Variants in SAMD4A observed in about 807,000 individuals in gnomAD.
SAMD4A encodes sterile alpha motif domain containing 4A.
A neutral mutation model predicts 81.3 loss-of-function variants in SAMD4A; 33 were observed. That is an observed-to-expected ratio of 0.41 (90% CI 0.31 to 0.54). SAMD4A has a LOEUF of 0.54. Ranked by LOEUF, SAMD4A falls within the 20% of genes least tolerant of loss-of-function variation. The pLI, the probability that SAMD4A is intolerant of heterozygous loss-of-function variation, is 0.37. For missense variants in SAMD4A, 854 were observed against 951.1 expected (o/e 0.90, Z 1.34); for synonymous variants, 389 against 382.1 (o/e 1.02, Z -0.21).
chr14:54,677,292 A>G (rs1005601427), intron 2 of SAMD4A, among the ~76,000 whole-genome samples: 2 of 152,190 alleles, frequency 1.3e-5, no homozygotes, highest in African/African-American at 4.8e-5. Flanking sequence ...AATTGGGTGG[A>G]TCTATGTTAT....
intron 2 of SAMD4A, among the ~76,000 whole-genome samples, chr14:54,612,955 A>G (rs1336412771): frequency 6.6e-6 from 1 of 152,082 alleles, no homozygotes; most frequent in East Asian, 1.9e-4. Flanking sequence ...TGTCTCTACT[A>G]AAAATACAAA....
chr14:54,594,339 C>T (rs2043223883), intron 2 of SAMD4A, among the ~76,000 whole-genome samples: 1 of 151,874 alleles, frequency 6.6e-6, no homozygotes, highest in African/African-American at 2.4e-5. Context: ...AGGAGGATTG[C>T]TTGAGCCCAG....
At chr14:54,784,123 G>C in intron 11 of SAMD4A, 1 of 536,810 alleles carries the variant, frequency 1.9e-6, no homozygotes, top group East Asian at 3.2e-5. Flanking sequence ...GAACAGCGGT[G>C]CAAAGGCCGT....
intron 6 of SAMD4A, among the ~76,000 whole-genome samples, chr14:54,758,315 C>T (rs1393859651): frequency 6.6e-6 from 1 of 152,194 alleles, no homozygotes; most frequent in Non-Finnish European, 1.5e-5. Context: ...TGGTGTTCTT[C>T]GCTGCCCACA....
chr14:54,739,257 A>G (rs1217531736), intron 4 of SAMD4A, among the ~76,000 whole-genome samples: 1 of 152,008 alleles, frequency 6.6e-6, no homozygotes, highest in Non-Finnish European at 1.5e-5. Context: ...GTTAAGGAAT[A>G]TACCATATCT....
In SAMD4A at chr14:54,793,256, T is replaced by G. The variant is rs2039289279; in HGVS notation, c.*4312T>G. 6.6e-6 allele frequency: 1 copy of G among 152,224 alleles called. No individual in the cohort carries two copies. Among genetic ancestry groups the G allele is most frequent in the African/African-American group, 2.4e-5 (1 of 41,452 alleles). The allele number at this position is 152,224 out of a possible 1,614,324, so 9.4% of individuals were successfully genotyped here. A position where few individuals can be genotyped will look rare whatever the true frequency, so the allele number is the denominator to read the frequency against. ...TGTAACTAAGAATCATGGCTATATT[T>G]CATATCAACGTTATATTGAAAGTGA... is the stretch of plus-strand genomic sequence containing the variant. On this transcript the variant is annotated 3_prime_UTR_variant, in exon 13 of 13. Coordinates refer to ENST00000554335, the MANE Select transcript of SAMD4A (RefSeq NM_015589.6).
rs555787439 is a variant in SAMD4A at position 54,722,940 on chromosome 14, A to C, written c.716-14084A>C. On this transcript the variant is annotated intron_variant, in intron 3 of 12. Coordinates refer to ENST00000554335, the MANE Select transcript of SAMD4A (RefSeq NM_015589.6). The stretch of plus-strand genomic sequence containing the variant: ...CTTCTACTTTCAATAAAATGTCGGC[A>C]TTGCTCTCTGCCAATTACCTTGACA... Among the ~76,000 whole-genome samples the C allele has an allele frequency of 2.1e-4, 32 of 152,266 alleles. No individual in the cohort carries two copies. The East Asian group carries it at 5.8e-3, about 28-fold the overall frequency.
At chr14:54,774,861 C>A (rs2038799739) in intron 9 of SAMD4A, 73 bp from the exon 10 acceptor site, 2 of 1,459,482 alleles carry the variant, frequency 1.4e-6, no homozygotes, top group Non-Finnish European at 1.9e-6. Context: ...GGCGACATCC[C>A]TTGGGAAGCC....
intron 2 of SAMD4A, chr14:54,694,078 C>T (rs1165619276): frequency 6.6e-6 from 1 of 152,292 alleles, no homozygotes; most frequent in African/African-American, 2.4e-5. Flanking sequence ...TGGACTGAAA[C>T]AGGAGAGGGT....
chr14:54,661,050 G>T (rs1051236309), intron 2 of SAMD4A, among the ~76,000 whole-genome samples: 1 of 152,138 alleles, frequency 6.6e-6, no homozygotes, highest in African/African-American at 2.4e-5. Flanking sequence ...AAGGCACTGC[G>T]GACTTTAAGT....
intron 2 of SAMD4A, chr14:54,688,397 G>T: frequency 2.0e-6 from 2 of 982,542 alleles, no homozygotes. Context: ...GATTGTGTGG[G>T]GGTGGTTTGT....
chr14:54,566,905 G>C (rs2032955311), upstream of SAMD4A, among the ~76,000 whole-genome samples: 1 of 152,160 alleles, frequency 6.6e-6, no homozygotes, highest in South Asian at 2.1e-4. Flanking sequence ...TGGGTGGAGA[G>C]AGTTTATTTT....
chr14:54,587,579 G>A (rs2033657820), intron 2 of SAMD4A, among the ~76,000 whole-genome samples: 1 of 151,650 alleles, frequency 6.6e-6, no homozygotes. Flanking sequence ...CAATTTTGCT[G>A]AGGGTTTTAA....
At chr14:54,737,878 A>G (rs1048041815) in intron 4 of SAMD4A, among the ~76,000 whole-genome samples, 11 of 152,170 alleles carry the variant, frequency 7.2e-5, no homozygotes, top group Non-Finnish European at 1.6e-4. Flanking sequence ...TAATCCTGAT[A>G]ACAGATTTGC....
intron 2 of SAMD4A, among the ~76,000 whole-genome samples, chr14:54,659,856 A>G (rs1260551816): frequency 1.3e-5 from 2 of 152,142 alleles, no homozygotes; most frequent in Non-Finnish European, 2.9e-5. Context: ...TTGGTGGCCT[A>G]TGGCCTGATG....
chr14:54,628,149 C>G (rs1419373718), intron 2 of SAMD4A, among the ~76,000 whole-genome samples: 1 of 152,080 alleles, frequency 6.6e-6, no homozygotes, highest in Non-Finnish European at 1.5e-5. Flanking sequence ...TCCCCCACAA[C>G]CCTGTAAGAG....
At chr14:54,638,306 T>C (rs10498470) in intron 2 of SAMD4A, among the ~76,000 whole-genome samples, 16,993 of 152,222 alleles carry the variant, frequency 0.11, 1,024 homozygotes, top group South Asian at 0.19. Flanking sequence ...ATGTTTCCCA[T>C]AAACGTTGCG....
chr14:54,769,268 G>A (rs929363843), intron 8 of SAMD4A, among the ~76,000 whole-genome samples: 2 of 152,154 alleles, frequency 1.3e-5, no homozygotes, highest in Non-Finnish European at 2.9e-5. Context: ...ATCAGGCTCT[G>A]GGCATGTGGA....
At chr14:54,764,032 C>T (rs929536453) in intron 7 of SAMD4A, among the ~76,000 whole-genome samples, 1 of 152,216 alleles carries the variant, frequency 6.6e-6, no homozygotes, top group South Asian at 2.1e-4. Flanking sequence ...ACGCCGCTGT[C>T]TCTGCACCTG....
Sources: gnomAD v4.1 joint callset for allele counts (sites outside exome capture counted in the v4.1 genomes callset) on GRCh38, gnomAD v4.1.1 for gene constraint, MANE v1.5 for transcripts, NCBI Gene and HGNC (gene_info 2026-07-23, HGNC 2026-07-21) for gene names.